RASA3: variants seen among roughly 807,000 people sequenced by gnomAD.
The protein encoded by RASA3 is RAS p21 protein activator 3.
A neutral mutation model predicts 110.0 loss-of-function variants in RASA3; 73 were observed. That is an observed-to-expected ratio of 0.66 (90% CI 0.55 to 0.81). The LOEUF (loss-of-function observed/expected upper bound fraction) is 0.81. Ranked by LOEUF, RASA3 falls within the 30% of genes least tolerant of loss-of-function variation. The pLI is 0.00. For synonymous variants in RASA3, 500 were observed against 451.4 expected, an observed-to-expected ratio of 1.11 and a Z score of -1.37; for missense variants, 976 against 1,113.2, an observed-to-expected ratio of 0.88 and a Z score of 1.75.
At chr13:114,042,624 T>C (rs2054436521) in intron 3 of RASA3, among the ~76,000 whole-genome samples, 1 of 152,194 alleles carries the variant, frequency 6.6e-6, no homozygotes, top group South Asian at 2.1e-4. Flanking sequence ...GGCCTGGGCC[T>C]CCTACCCGGC....
At chr13:113,995,129 G>T (rs75833624) in intron 21 of RASA3, among the ~76,000 whole-genome samples, 1 of 152,244 alleles carries the variant, frequency 6.6e-6, no homozygotes, top group East Asian at 1.9e-4. Flanking sequence ...CTCGGCAGAC[G>T]TGTTCTCATG....
chr13:114,091,520 A>T (rs1446733621), intron 1 of RASA3, among the ~76,000 whole-genome samples: 1 of 150,522 alleles, frequency 6.6e-6, no homozygotes, highest in African/African-American at 2.4e-5. Context: ...ACATTTATTG[A>T]TGAGCAGGTA....
chr13:114,067,459 T>C (rs1407677817), intron 2 of RASA3, among the ~76,000 whole-genome samples: 2 of 152,224 alleles, frequency 1.3e-5, no homozygotes, highest in Non-Finnish European at 2.9e-5. Flanking sequence ...AAGTCGGTGT[T>C]TCCTAAGTCA....
At chr13:114,061,211 C>T (rs555302079) in intron 2 of RASA3, among the ~76,000 whole-genome samples, 2 of 152,266 alleles carry the variant, frequency 1.3e-5, no homozygotes, top group African/African-American at 2.4e-5. Context: ...ACCCCCGCCA[C>T]GGCCGGGGAC....
rs948462472 is a variant in RASA3 at position 114,009,774 on chromosome 13, C to T, written c.1591-310G>A. On this transcript the variant is annotated intron_variant, in intron 16 of 23. Transcript: ENST00000334062. The stretch of plus-strand genomic sequence containing the variant: ...TGGGTCCCAGGCTCATGAAGAGGTA[C>T]GTTGGGGCCCAGATGTGGCTGCCTG... Among the ~76,000 whole-genome samples the T allele has an allele frequency of 4.6e-5, 7 of 152,322 alleles. No homozygotes were observed. The East Asian group carries it at 1.2e-3, about 25-fold the overall frequency.
intron 4 of RASA3, among the ~76,000 whole-genome samples, chr13:114,035,304 C>G (rs2139426743): frequency 6.6e-6 from 1 of 152,248 alleles, no homozygotes; most frequent in East Asian, 1.9e-4. Flanking sequence ...GCTGCCGACC[C>G]TGGCACCTGC....
rs183699269 is a variant in RASA3, at chr13:114,032,088, T to C, written c.373-2201A>G. 2.4e-4 allele frequency among the ~76,000 whole-genome samples: 37 copies of C among 152,346 alleles called. No individual in the cohort carries two copies. In the East Asian group the frequency reaches 3.8e-3, roughly 16 times the overall value. On this transcript the variant is annotated intron_variant, in intron 4 of 23. Coordinates refer to ENST00000334062, the MANE Select transcript of RASA3 (RefSeq NM_007368.4). ...AATAGCCAAAAAATTAGTCAGGAGA[T>C]ATTTATTCCCTATACAAGTTAAAAA...
intron 2 of RASA3, among the ~76,000 whole-genome samples, chr13:114,070,951 CCA>C (rs2079561259): frequency 8.4e-6 from 1 of 119,454 alleles, no homozygotes; most frequent in Non-Finnish European, 1.7e-5. Context: ...CTAAACGGCG[CCA>C]CAGTGTTACA....
At chr13:114,050,724 T>A (rs971811802) in intron 3 of RASA3, among the ~76,000 whole-genome samples, 1 of 152,242 alleles carries the variant, frequency 6.6e-6, no homozygotes, top group African/African-American at 2.4e-5. Flanking sequence ...GCCTACGCGT[T>A]ACCTACTAGC....
intron 3 of RASA3, among the ~76,000 whole-genome samples, chr13:114,041,856 A>G (rs949179271): frequency 7.2e-5 from 11 of 152,166 alleles, no homozygotes; most frequent in African/African-American, 2.7e-4. Context: ...GGAGAGCCTG[A>G]AAGTGTAGAT....
chr13:113,996,893 A>G (rs1241740407), intron 20 of RASA3, among the ~76,000 whole-genome samples, 154 bp from the exon 21 acceptor site: 1 of 152,242 alleles, frequency 6.6e-6, no homozygotes, highest in Non-Finnish European at 1.5e-5. Context: ...TAAGCCCCAG[A>G]AGAGGCCAAG....
chr13:114,088,756 G>C (rs2079852558), intron 1 of RASA3, among the ~76,000 whole-genome samples: 1 of 152,106 alleles, frequency 6.6e-6, no homozygotes, highest in South Asian at 2.1e-4. Flanking sequence ...CTCCATGTTG[G>C]TCAGGCTGGT....
At chr13:114,088,265 T>TA (rs1265756573) in intron 1 of RASA3, among the ~76,000 whole-genome samples, 2 of 152,218 alleles carry the variant, frequency 1.3e-5, no homozygotes, top group Admixed American at 6.5e-5. Flanking sequence ...CCTTTAGACT[T>TA]AAAAAATTCT....
At chr13:114,093,154 A>G (rs575073073) in intron 1 of RASA3, among the ~76,000 whole-genome samples, 16 of 152,332 alleles carry the variant, frequency 1.1e-4, no homozygotes, top group Non-Finnish European at 2.4e-4. Flanking sequence ...GAAGTGGTTT[A>G]CACACCATAA....
intron 1 of RASA3, among the ~76,000 whole-genome samples, chr13:114,102,746 G>T (rs1000869142): frequency 2.6e-5 from 4 of 152,176 alleles, no homozygotes; most frequent in African/African-American, 9.7e-5. Context: ...CGACGCTCCC[G>T]ACTAAACCAC....
chr13:114,063,365 T>C (rs890507396), intron 2 of RASA3, among the ~76,000 whole-genome samples: 1 of 149,992 alleles, frequency 6.7e-6, no homozygotes, highest in Non-Finnish European at 1.5e-5. Context: ...ATAACATAAA[T>C]ACAATATTTA....
intron 1 of RASA3, among the ~76,000 whole-genome samples, chr13:114,097,183 C>T (rs879719166): frequency 3.3e-5 from 5 of 152,228 alleles, no homozygotes; most frequent in Non-Finnish European, 5.9e-5. Context: ...ATCTTTAGAG[C>T]TAACTGGGAA....
At chr13:114,061,276 C>T (rs7988568) in intron 2 of RASA3, among the ~76,000 whole-genome samples, 33,693 of 151,786 alleles carry the variant, frequency 0.22, 3,791 homozygotes, top group South Asian at 0.32. Flanking sequence ...TGCCTTGATG[C>T]GTGGGGCTTG....
At chr13:114,127,370 T>G (rs1275526127) in intron 1 of RASA3, among the ~76,000 whole-genome samples, 1 of 152,222 alleles carries the variant, frequency 6.6e-6, no homozygotes, top group Admixed American at 6.5e-5. Flanking sequence ...ACCTGAAGGC[T>G]GGATGGGTGG....
Sources: allele counts gnomAD v4.1 joint callset (sites outside exome capture counted in the v4.1 genomes callset), GRCh38; gene constraint gnomAD v4.1.1; transcripts MANE v1.5; gene names NCBI Gene and HGNC (gene_info 2026-07-23, HGNC 2026-07-21).